TFG: variants seen among roughly 807,000 people sequenced by gnomAD.
The protein encoded by TFG is protein TFG.
In TFG, 22 loss-of-function variants were observed where a neutral mutation model predicts 51.4. The ratio of observed to expected loss-of-function variants is 0.43; its 90% CI spans 0.31 to 0.61. The LOEUF is 0.61. Ranked by LOEUF, TFG falls within the 20% of genes least tolerant of loss-of-function variation. The pLI is 0.12. For synonymous variants in TFG, 187 were observed against 165.6 expected (o/e 1.13, Z -0.99); for missense variants, 419 against 487.7 (o/e 0.86, Z 1.33).
intron 1 of TFG, chr3:100,710,033 A>G (rs2095025549): frequency 6.6e-6 from 1 of 152,074 alleles, no homozygotes; most frequent in African/African-American, 2.4e-5. Context: ...TGCGCCAGCT[A>G]ATGCCTTGGT....
chr3:100,724,846 TAAAG>T (rs752939341), intron 3 of TFG, among the ~76,000 whole-genome samples: 3 of 152,202 alleles, frequency 2.0e-5, no homozygotes, highest in Admixed American at 6.5e-5. Flanking sequence ...CATCTCTAGA[TAAAG>T]AAAAGCCATT....
intron 5 of TFG, among the ~76,000 whole-genome samples, chr3:100,733,288 T>G (rs1225680940): frequency 6.6e-6 from 1 of 152,206 alleles, no homozygotes; most frequent in African/African-American, 2.4e-5. Context: ...TTCATTTTTC[T>G]TCAGTCTTCT....
At chr3:100,734,380 CAG>C (rs1381823686) in intron 5 of TFG, among the ~76,000 whole-genome samples, 1 of 152,102 alleles carries the variant, frequency 6.6e-6, no homozygotes, top group Non-Finnish European at 1.5e-5. Flanking sequence ...GGGATTTGGA[CAG>C]AGTGTATATA....
intron 3 of TFG, among the ~76,000 whole-genome samples, chr3:100,721,589 T>C (rs1047317274): frequency 6.6e-6 from 1 of 152,212 alleles, no homozygotes; most frequent in Non-Finnish European, 1.5e-5. Flanking sequence ...AAATTTAAAC[T>C]ATCCATGTAG....
chr3:100,727,433 C>G (rs1242396089), intron 3 of TFG, among the ~76,000 whole-genome samples: 1 of 152,174 alleles, frequency 6.6e-6, no homozygotes, highest in Non-Finnish European at 1.5e-5. Context: ...AACAAAGAAT[C>G]GCCCTGAACT....
At chr3:100,728,589 C>A in intron 3 of TFG, 123 bp from the exon 4 acceptor site, 3 of 762,610 alleles carry the variant, frequency 3.9e-6, no homozygotes, top group Non-Finnish European at 3.9e-6. Context: ...AAAGTTACTC[C>A]ATTACATTGA....
intron 3 of TFG, among the ~76,000 whole-genome samples, chr3:100,721,013 T>A (rs1014447584): frequency 6.8e-4 from 103 of 152,346 alleles, no homozygotes; most frequent in African/African-American, 2.1e-3. Context: ...ATTTAATTTG[T>A]ATCTATTTCA....
At chr3:100,715,238 T>C (rs2149060240) in intron 2 of TFG, among the ~76,000 whole-genome samples, 2 of 152,338 alleles carry the variant, frequency 1.3e-5, no homozygotes, top group Admixed American at 1.3e-4. Context: ...CTTTCAGGGA[T>C]CCAGGTTGAA....
intron 4 of TFG, among the ~76,000 whole-genome samples, chr3:100,730,992 G>C (rs1242028366): frequency 6.6e-6 from 1 of 152,218 alleles, no homozygotes; most frequent in Non-Finnish European, 1.5e-5. Flanking sequence ...ACTTCTAGTA[G>C]TAGTTTTCTT....
chr3:100,725,157 C>T (rs1017768376), intron 3 of TFG, among the ~76,000 whole-genome samples: 32 of 152,070 alleles, frequency 2.1e-4, no homozygotes, highest in Non-Finnish European at 3.7e-4. Flanking sequence ...CTGCCTGCCT[C>T]GGCCTCCCAA....
intron 2 of TFG, among the ~76,000 whole-genome samples, chr3:100,716,874 G>T (rs545666308): frequency 6.6e-6 from 1 of 152,088 alleles, no homozygotes; most frequent in African/African-American, 2.4e-5. Flanking sequence ...ATCATTTGCC[G>T]ATTTTAAAAT....
chr3:100,712,960 A>G (rs1441938642), intron 1 of TFG, among the ~76,000 whole-genome samples: 5 of 152,242 alleles, frequency 3.3e-5, no homozygotes, highest in African/African-American at 7.2e-5. Flanking sequence ...GAAGTTAAAT[A>G]CTTGGCCAGG....
chr3:100,720,024 T>A lies in TFG; in HGVS notation c.234T>A (p.Ile78=), dbSNP rs147546544. ...ATAGTTCTGACCTTTCCTTTGCAAT[T>A]CAGTGCAGTAGGATACTGAAACTGA... ...IFDSSDLSFA[I]QCSRILKLTL... Residue 78 remains isoleucine, a synonymous_variant, in exon 3 of 8, where the codon ATT becomes ATA. Coordinates refer to ENST00000240851, the MANE Select transcript of TFG (RefSeq NM_006070.6). 3.2e-5 allele frequency: 50 copies of A among 1,582,334 alleles called. No individual in the cohort carries two copies. In the African/African-American group the frequency reaches 6.0e-4, roughly 19 times the overall value.
intron 6 of TFG, among the ~76,000 whole-genome samples, chr3:100,741,107 T>C (rs2095120040): frequency 6.6e-6 from 1 of 152,098 alleles, no homozygotes; most frequent in Non-Finnish European, 1.5e-5. Flanking sequence ...GGTGACTCTC[T>C]TACTCATTTG....
chr3:100,738,557 T>TA (rs539987066), intron 6 of TFG, among the ~76,000 whole-genome samples: 1 of 152,196 alleles, frequency 6.6e-6, no homozygotes, highest in African/African-American at 2.4e-5. Context: ...CGAAAGGACA[T>TA]ACAGTGAAAA....
chr3:100,735,523 G>A (rs530973347), intron 5 of TFG, among the ~76,000 whole-genome samples: 9 of 152,298 alleles, frequency 5.9e-5, no homozygotes, highest in African/African-American at 2.2e-4. Context: ...CTGAGGCACA[G>A]AAAGAGATTA....
chr3:100,713,487 A>G (rs2095036626), intron 1 of TFG, among the ~76,000 whole-genome samples, 156 bp from the exon 2 acceptor site: 3 of 152,230 alleles, frequency 2.0e-5, no homozygotes, highest in Non-Finnish European at 4.4e-5. Context: ...TCCCTACAGT[A>G]AAATAATGTT....
At position 100,748,378 on chromosome 3, in the gene TFG, T is replaced by C. The variant is rs753441024; in HGVS notation, c.1050T>C (p.Ala350=). The change falls in exon 8 of 8, where the codon GCT becomes GCC. Residue 350 remains alanine, a synonymous_variant. Transcript: ENST00000240851. ...TVAPASQPGM[A]PSQPGAYQPR... ...CTCCTGCCTCTCAACCTGGAATGGCTCCAAGCCAACCTGGGGCCTATCAAC... is the reference window on the plus strand; with the variant it reads ...CTCCTGCCTCTCAACCTGGAATGGCCCCAAGCCAACCTGGGGCCTATCAAC... The C allele has an allele frequency of 1.9e-6, 3 of 1,614,092 alleles. No individual in the cohort carries two copies. Among genetic ancestry groups the C allele is most frequent in the Non-Finnish European group, 1.7e-6 (2 of 1,179,980 alleles).
intron 7 of TFG, 61 bp from the exon 8 acceptor site, chr3:100,748,088 T>C: frequency 6.5e-7 from 1 of 1,538,306 alleles, no homozygotes. Flanking sequence ...GTAAGACTAA[T>C]TCTTTGGAAA....
Sources: gnomAD v4.1 joint callset for allele counts (sites outside exome capture counted in the v4.1 genomes callset) on GRCh38, gnomAD v4.1.1 for gene constraint, MANE v1.5 for transcripts, NCBI Gene and HGNC (gene_info 2026-07-23, HGNC 2026-07-21) for gene names.